Variants in DNAJC5B observed in about 807,000 individuals in gnomAD.
The protein encoded by DNAJC5B is DnaJ heat shock protein family (Hsp40) member C5 beta, also known as dnaJ homolog subfamily C member 5B.
DNAJC5B carries 23 observed loss-of-function variants against 24.7 expected under a neutral mutation model. That is an observed-to-expected ratio of 0.93 (90% confidence interval 0.67 to 1.32). The LOEUF is 1.32. DNAJC5B is among the 40% of genes most tolerant of loss of function. The pLI, the probability that DNAJC5B is intolerant of heterozygous loss-of-function variation, is 0.00. For synonymous variants in DNAJC5B, 101 were observed against 90.1 expected (o/e 1.12, Z -0.68); for missense variants, 238 against 240.8 (o/e 0.99, Z 0.08).
chr8:66,027,205 CCAGGCACTGGTGG>C (rs1806264227), intron 1 of DNAJC5B, among the ~76,000 whole-genome samples: 1 of 152,144 alleles, frequency 6.6e-6, no homozygotes, highest in Admixed American at 6.5e-5. Context: ...TGGTAGAGTG[CCAGGCACTGGTGG>C]CAGGACAGCC....
At chr8:66,083,360 A>G (rs1807646858) in intron 5 of DNAJC5B, among the ~76,000 whole-genome samples, 1 of 152,110 alleles carries the variant, frequency 6.6e-6, no homozygotes, top group Non-Finnish European at 1.5e-5. Context: ...CCTTTCCTCT[A>G]GCATGTTTGA....
chr8:66,066,352 C>A (rs558427350), intron 3 of DNAJC5B, among the ~76,000 whole-genome samples: 2 of 152,090 alleles, frequency 1.3e-5, no homozygotes, highest in Non-Finnish European at 2.9e-5. Context: ...ATAGACCTAC[C>A]ATTTGATCCA....
intron 1 of DNAJC5B, among the ~76,000 whole-genome samples, chr8:66,031,783 TG>T (rs1168348688): frequency 6.6e-6 from 1 of 151,948 alleles, no homozygotes; most frequent in Non-Finnish European, 1.5e-5. Flanking sequence ...GAGGGTGGGG[TG>T]GGGGGCAGCA....
intron 5 of DNAJC5B, among the ~76,000 whole-genome samples, chr8:66,094,385 ATACTT>A (rs888381195): frequency 9.9e-5 from 15 of 152,060 alleles, no homozygotes; most frequent in Admixed American, 5.9e-4. Flanking sequence ...TTATTTTTGA[ATACTT>A]TACCATTTTT....
intron 1 of DNAJC5B, among the ~76,000 whole-genome samples, chr8:66,036,746 T>A (rs1009580962): frequency 7.9e-5 from 12 of 152,018 alleles, no homozygotes; most frequent in Non-Finnish European, 1.8e-4. Flanking sequence ...GGTACCCAAA[T>A]TTTTTTTTCT....
At chr8:66,039,467 G>A (rs750745479) in intron 1 of DNAJC5B, among the ~76,000 whole-genome samples, 90 of 151,150 alleles carry the variant, frequency 6.0e-4, no homozygotes, top group Non-Finnish European at 6.9e-4. Context: ...TCCTGCCTCA[G>A]CCTCCTGAGT....
intron 1 of DNAJC5B, among the ~76,000 whole-genome samples, chr8:66,022,823 A>G (rs1048916322): frequency 6.6e-6 from 1 of 152,194 alleles, no homozygotes; most frequent in Non-Finnish European, 1.5e-5. Context: ...AGTCACTGTG[A>G]TTTTCACAAT....
intron 3 of DNAJC5B, among the ~76,000 whole-genome samples, chr8:66,055,890 C>A (rs190422454): frequency 1.3e-5 from 2 of 152,112 alleles, no homozygotes; most frequent in African/African-American, 4.8e-5. Context: ...TGCAGTGAGC[C>A]GAGAGCCGAG....
chr8:66,037,365 G>A (rs934840483), intron 1 of DNAJC5B, among the ~76,000 whole-genome samples: 5 of 152,164 alleles, frequency 3.3e-5, no homozygotes, highest in African/African-American at 1.2e-4. Flanking sequence ...GAGAGGCTTC[G>A]TGGGTGCTGG....
chr8:66,039,374 G>A (rs565003529), intron 1 of DNAJC5B, among the ~76,000 whole-genome samples: 57 of 142,138 alleles, frequency 4.0e-4, no homozygotes, highest in African/African-American at 1.4e-3. Context: ...TTGAGATGGA[G>A]TTTCTCTCTT....
At chr8:66,096,406 T>C (rs1807954409) in intron 5 of DNAJC5B, among the ~76,000 whole-genome samples, 1 of 152,202 alleles carries the variant, frequency 6.6e-6, no homozygotes, top group Non-Finnish European at 1.5e-5. Context: ...ACATAGTCCT[T>C]TTCAAATTCT....
At chr8:66,082,561 C>T (rs976358688) in intron 5 of DNAJC5B, among the ~76,000 whole-genome samples, 1 of 152,102 alleles carries the variant, frequency 6.6e-6, no homozygotes, top group African/African-American at 2.4e-5. Flanking sequence ...AGCTCTGACA[C>T]CCCAGAGCTA....
In DNAJC5B at chr8:66,075,465, T is replaced by TA. The variant is rs377421039; in HGVS notation, c.120-1188dup. On this transcript the variant is annotated intron_variant, in intron 3 of 5. Transcript: ENST00000276570. ...TGCTGAAATATAGTAAACATAAAAG[T>TA]AAAAAAATGACAAAAGGCATTTTAT... is the stretch of plus-strand genomic sequence containing the variant. Among the ~76,000 whole-genome samples, 1,317 of 152,172 alleles carry TA rather than the reference T, an allele frequency of 8.7e-3. 7 individuals carry two copies. Among genetic ancestry groups the TA allele is most frequent in the Middle Eastern group, 0.027 (8 of 294 alleles).
chr8:66,088,028 C>A (rs893941132), intron 5 of DNAJC5B, among the ~76,000 whole-genome samples: 1 of 152,208 alleles, frequency 6.6e-6, no homozygotes, highest in Non-Finnish European at 1.5e-5. Context: ...TCTGCATTGC[C>A]CCAGCAGAGG....
intron 2 of DNAJC5B, among the ~76,000 whole-genome samples, chr8:66,047,986 G>C (rs1014237361): frequency 3.3e-5 from 5 of 152,178 alleles, no homozygotes; most frequent in Non-Finnish European, 5.9e-5. Flanking sequence ...AGGGAGAGTT[G>C]CAGAGAAGAG....
chr8:66,076,980 G>A (rs1422049878), intron 4 of DNAJC5B, 107 bp downstream of exon 4: 3 of 1,192,758 alleles, frequency 2.5e-6, no homozygotes, highest in Non-Finnish European at 3.6e-6. Flanking sequence ...ATTAAACTCT[G>A]GTAAATAAAA....
intron 1 of DNAJC5B, among the ~76,000 whole-genome samples, chr8:66,038,122 A>C (rs1806528693): frequency 6.6e-6 from 1 of 152,236 alleles, no homozygotes; most frequent in Admixed American, 6.5e-5. Context: ...TATAATTGGT[A>C]GCAGATCATT....
At chr8:66,034,830 T>C (rs1806446432) in intron 1 of DNAJC5B, among the ~76,000 whole-genome samples, 1 of 152,136 alleles carries the variant, frequency 6.6e-6, no homozygotes, top group Non-Finnish European at 1.5e-5. Flanking sequence ...AGAAGGCTGA[T>C]GCTGCTTTAG....
intron 1 of DNAJC5B, among the ~76,000 whole-genome samples, chr8:66,035,511 G>A (rs1239960647): frequency 6.6e-6 from 1 of 152,168 alleles, no homozygotes; most frequent in African/African-American, 2.4e-5. Context: ...AAAACTATGT[G>A]AAGACGCAGA....
Sources: allele counts gnomAD v4.1 joint callset (sites outside exome capture counted in the v4.1 genomes callset), GRCh38; gene constraint gnomAD v4.1.1; transcripts MANE v1.5; gene names NCBI Gene and HGNC (gene_info 2026-07-23, HGNC 2026-07-21).